HS2ST1: variants seen among roughly 807,000 people sequenced by gnomAD.
HS2ST1 encodes 2-O-sulfotransferase.
A neutral mutation model predicts 42.9 loss-of-function variants in HS2ST1; 18 were observed. That is an observed-to-expected ratio of 0.42 (90% CI 0.29 to 0.62). The LOEUF (loss-of-function observed/expected upper bound fraction) is 0.62, where lower values mean the gene tolerates loss of function less well. HS2ST1 is among the 20% of genes least tolerant of loss of function. HS2ST1 has a pLI of 0.21. For synonymous variants in HS2ST1, 146 were observed against 152.9 expected (o/e 0.95, Z 0.33); for missense variants, 334 against 433.8 (o/e 0.77, Z 2.04).
chr1:86,931,026 G>A (rs1210368529), intron 1 of HS2ST1, among the ~76,000 whole-genome samples: 2 of 151,994 alleles, frequency 1.3e-5, no homozygotes, highest in Non-Finnish European at 2.9e-5. Context: ...GAAATGAGAA[G>A]TAGTTTTAAA....
At chr1:87,081,516 A>C (rs185386676) in intron 2 of HS2ST1, among the ~76,000 whole-genome samples, 8 of 152,334 alleles carry the variant, frequency 5.3e-5, no homozygotes, top group Admixed American at 5.2e-4. Context: ...GCCTTCCAAA[A>C]TGTATGGGAT....
chr1:87,054,058 A>C (rs548992066), intron 1 of HS2ST1, among the ~76,000 whole-genome samples: 2 of 152,234 alleles, frequency 1.3e-5, no homozygotes, highest in East Asian at 3.9e-4. Context: ...ACATATTACT[A>C]CCTGGATGTT....
chr1:86,945,715 A>G (rs1647313338), intron 1 of HS2ST1, among the ~76,000 whole-genome samples: 1 of 152,158 alleles, frequency 6.6e-6, no homozygotes, highest in Non-Finnish European at 1.5e-5. Context: ...TTCAAATATA[A>G]ATCTACTACA....
At chr1:86,935,548 T>A (rs1660629616) in intron 1 of HS2ST1, among the ~76,000 whole-genome samples, 2 of 142,410 alleles carry the variant, frequency 1.4e-5, no homozygotes, top group African/African-American at 5.3e-5. Context: ...CTGCAACCAC[T>A]GTCTCCAGGG....
chr1:86,990,837 T>TATATATATATATATATA (rs56384402), intron 1 of HS2ST1, among the ~76,000 whole-genome samples: 18 of 17,540 alleles, frequency 1.0e-3, no homozygotes, highest in African/African-American at 2.1e-3. Flanking sequence ...TATATATATA[T>TATATATATATATATATA]TTTTTTTTTT....
intron 1 of HS2ST1, among the ~76,000 whole-genome samples, chr1:86,957,141 C>A (rs1021144191): frequency 4.5e-4 from 69 of 152,212 alleles, no homozygotes; most frequent in African/African-American, 1.7e-3. Context: ...CATTTATAGT[C>A]TAAGTTTCAG....
chr1:87,060,998 A>G (rs1651106748), intron 1 of HS2ST1, among the ~76,000 whole-genome samples: 1 of 152,084 alleles, frequency 6.6e-6, no homozygotes, highest in African/African-American at 2.4e-5. Context: ...AGAAAATTTG[A>G]TATTTATTTT....
At chr1:86,951,901 G>A (rs61771702) in intron 1 of HS2ST1, among the ~76,000 whole-genome samples, 1 of 151,998 alleles carries the variant, frequency 6.6e-6, no homozygotes, top group Admixed American at 6.5e-5. Flanking sequence ...TTCTTTGCTC[G>A]TCCCTAAGAA....
intron 1 of HS2ST1, among the ~76,000 whole-genome samples, chr1:86,972,881 T>C (rs887140295): frequency 6.6e-6 from 1 of 152,254 alleles, no homozygotes; most frequent in Non-Finnish European, 1.5e-5. Flanking sequence ...GTCTTTATTC[T>C]GCAGTCTATA....
In HS2ST1 at chr1:86,992,198, T is replaced by C. The variant is rs554097620; in HGVS notation, c.124+77038T>C. Among the ~76,000 whole-genome samples the C allele has an allele frequency of 1.8e-3, 254 of 144,332 alleles. 1 individual carries two copies. Among genetic ancestry groups the C allele is most frequent in the Middle Eastern group, 3.5e-3 (1 of 286 alleles). 94.7% of individuals were successfully genotyped at this position (144,332 alleles called of 152,430 possible). On this transcript the variant is annotated intron_variant, in intron 1 of 6. Coordinates refer to ENST00000370550, the MANE Select transcript of HS2ST1 (RefSeq NM_012262.4). The stretch of plus-strand genomic sequence containing the variant: ...TCCACCACTACCCCCACCCCCAAAT[T>C]CCCCCACTCCTCCACCCCTGTTCTG...
rs180890899 is a variant in HS2ST1 at position 86,917,938 on chromosome 1, A to G, written c.124+2778A>G. On this transcript the variant is annotated intron_variant, in intron 1 of 6. Transcript: ENST00000370550. ...GCTTATTTTTACTATAGGAAAGAAA[A>G]ATCTAGCTGTTTTCCATACGTGCAA... Among the ~76,000 whole-genome samples the G allele has an allele frequency of 2.1e-4, 32 of 152,376 alleles. No individual in the cohort carries two copies. In the East Asian group the frequency reaches 5.2e-3, roughly 25 times the overall value.
intron 4 of HS2ST1, 26 bp from the exon 5 acceptor site, chr1:87,097,812 C>T: frequency 6.2e-7 from 1 of 1,613,120 alleles, no homozygotes. Flanking sequence ...TTATGGCTTA[C>T]CCGTGCTGCT....
chr1:86,964,124 G>A (rs1181183607), intron 1 of HS2ST1, among the ~76,000 whole-genome samples: 5 of 151,802 alleles, frequency 3.3e-5, no homozygotes, highest in African/African-American at 9.7e-5. Context: ...ATGGGCAGCC[G>A]GGCAGAGACG....
At chr1:86,939,579 T>C (rs1402957250) in intron 1 of HS2ST1, among the ~76,000 whole-genome samples, 1 of 152,226 alleles carries the variant, frequency 6.6e-6, no homozygotes, top group African/African-American at 2.4e-5. Flanking sequence ...AGGAATCATG[T>C]TGGAAGATTT....
At chr1:87,085,805 G>T (rs1394874496) in intron 3 of HS2ST1, among the ~76,000 whole-genome samples, 3 of 152,094 alleles carry the variant, frequency 2.0e-5, no homozygotes, top group African/African-American at 7.2e-5. Flanking sequence ...GAGTGCTTTT[G>T]CTTTTGGCAA....
chr1:87,087,654 T>C (rs1468836108), intron 3 of HS2ST1, among the ~76,000 whole-genome samples: 1 of 152,124 alleles, frequency 6.6e-6, no homozygotes, highest in African/African-American at 2.4e-5. Flanking sequence ...TGTGAGATTG[T>C]CCTTTCTACC....
At chr1:87,058,622 T>C (rs1445929395) in intron 1 of HS2ST1, among the ~76,000 whole-genome samples, 2 of 151,640 alleles carry the variant, frequency 1.3e-5, no homozygotes, top group African/African-American at 4.9e-5. Flanking sequence ...TACTGTGTTT[T>C]GGTTAGGAGT....
At chr1:86,936,183 T>G (rs1660649977) in intron 1 of HS2ST1, among the ~76,000 whole-genome samples, 1 of 152,076 alleles carries the variant, frequency 6.6e-6, no homozygotes, top group Non-Finnish European at 1.5e-5. Flanking sequence ...AAATTCTGAG[T>G]TTTTAGTTGC....
chr1:87,069,615 A>G (rs1055006435), intron 1 of HS2ST1, among the ~76,000 whole-genome samples: 1 of 151,970 alleles, frequency 6.6e-6, no homozygotes, highest in Non-Finnish European at 1.5e-5. Context: ...TTAATTTTCC[A>G]TACATTTTTT....
Sources: gnomAD v4.1 joint callset for allele counts (sites outside exome capture counted in the v4.1 genomes callset) on GRCh38, gnomAD v4.1.1 for gene constraint, MANE v1.5 for transcripts, NCBI Gene and HGNC (gene_info 2026-07-23, HGNC 2026-07-21) for gene names.